The following PCDHA9 variants were observed in gnomAD, a reference collection of about 807,000 sequenced individuals.
PCDHA9 encodes protocadherin alpha-9.
Under a neutral mutation model 62.0 loss-of-function variants are expected in PCDHA9, and 62 were observed. The observed-to-expected ratio is 1.00, with a 90% CI of 0.81 to 1.23. PCDHA9 has a LOEUF of 1.23. Among genes scored for constraint, PCDHA9 ranks in the 50% most tolerant of loss-of-function variants. The probability of loss-of-function intolerance (pLI) is 0.00; values close to 1 mark genes in which losing one functional copy is unlikely to be tolerated. For synonymous variants in PCDHA9, 557 were observed against 567.6 expected (o/e 0.98, Z 0.27); for missense variants, 1,205 against 1,249.8 (o/e 0.96, Z 0.54).
At chr5:140,883,416 G>A (rs782422692) in intron 1 of PCDHA9, 3 of 1,614,158 alleles carry the variant, frequency 1.9e-6, no homozygotes, top group East Asian at 2.2e-5. Context: ...GGCTCAAATG[G>A]ACAGGTCACC....
intron 1 of PCDHA9, among the ~76,000 whole-genome samples, chr5:140,977,965 C>T (rs782117847): frequency 3.3e-5 from 5 of 152,150 alleles, no homozygotes; most frequent in Non-Finnish European, 5.9e-5. Context: ...CCTCAATCTC[C>T]GCCCATGAAA....
chr5:140,849,597 G>T lies in PCDHA9; in HGVS notation c.1102G>T (p.Val368Phe), dbSNP rs2150442042. 77 of 1,598,656 alleles carry T rather than the reference G, an allele frequency of 4.8e-5. 9 individuals carry two copies. Among genetic ancestry groups the T allele is most frequent in the Admixed American group, 4.4e-4 (26 of 59,274 alleles). The change falls in exon 1 of 4, where the codon GTT becomes TTT. Residue 368 changes from valine (V) to phenylalanine (F), a missense_variant. Physicochemically the swap from Val to Phe is conservative, Grantham distance 50 (BLOSUM62 -1). This residue lies in a region of PCDHA9 where 887 missense variants were observed against 809.5 expected (regional missense o/e 1.10). Transcript: ENST00000532602. ...AAAAGAGGACGCACAACTGGGGACA[G>T]TTATTGCCCTGATTAGTGTGATCGA... ...PVKEDAQLGT[V>F]IALISVIDLD...
intron 1 of PCDHA9, among the ~76,000 whole-genome samples, chr5:140,913,117 G>T (rs1055437222): frequency 1.3e-5 from 2 of 152,144 alleles, no homozygotes; most frequent in Non-Finnish European, 2.9e-5. Flanking sequence ...CAGTTTGGAA[G>T]TTAACCCCTC....
intron 1 of PCDHA9, among the ~76,000 whole-genome samples, chr5:140,965,126 A>C (rs540121719): frequency 7.9e-5 from 12 of 152,372 alleles, no homozygotes; most frequent in African/African-American, 2.6e-4. Flanking sequence ...GAAGATCTAC[A>C]GATGACAGAA....
At position 141,010,636 on chromosome 5, in the gene PCDHA9, A is replaced by G; in HGVS notation, c.*699A>G. On this transcript the variant is annotated 3_prime_UTR_variant, in exon 4 of 4. Coordinates refer to ENST00000532602, the MANE Select transcript of PCDHA9 (RefSeq NM_031857.2). ...AAAATCTGCATCATACCTGCAAGCC[A>G]ACAGTTCAGTGTTTTAACAGAGAAC... is the stretch of plus-strand genomic sequence containing the variant. 1 of 183,300 alleles carries G rather than the reference A, an allele frequency of 5.5e-6. No individual in the cohort carries two copies. The highest frequency in any genetic ancestry group is 1.2e-5 in the Non-Finnish European group (1 of 86,478). 11.4% of individuals were successfully genotyped at this position (183,300 alleles called of 1,614,324 possible). A position where few individuals can be genotyped will look rare whatever the true frequency, so the allele number is the denominator to read the frequency against.
rs2096251050 is a variant in PCDHA9, at chr5:140,968,498, C to T, written c.2395-10451C>T. 3 of 1,614,190 alleles carry T rather than the reference C, an allele frequency of 1.9e-6. No individual in the cohort carries two copies. The highest frequency in any genetic ancestry group is 2.5e-6 in the Non-Finnish European group (3 of 1,180,042). The stretch of plus-strand genomic sequence containing the variant: ...GGTGGACATGAATGACCATGCCCCT[C>T]ACATTCTGTACCCTACCTCAACCAA... On this transcript the variant is annotated intron_variant, in intron 1 of 3. Coordinates refer to ENST00000532602, the MANE Select transcript of PCDHA9 (RefSeq NM_031857.2).
chr5:140,982,071 G>A (rs1484711558), intron 2 of PCDHA9, among the ~76,000 whole-genome samples: 12 of 151,172 alleles, frequency 7.9e-5, no homozygotes, highest in Admixed American at 7.9e-4. Flanking sequence ...TTCTTCTTTA[G>A]AGTAGAGAAC....
intron 1 of PCDHA9, among the ~76,000 whole-genome samples, chr5:140,875,118 A>T (rs1381092384): frequency 6.6e-6 from 1 of 152,224 alleles, no homozygotes; most frequent in African/African-American, 2.4e-5. Context: ...TATCATGTAT[A>T]TTAACTAAAC....
intron 1 of PCDHA9, chr5:140,867,238 T>C (rs2049839993): frequency 1.3e-5 from 2 of 152,118 alleles, no homozygotes; most frequent in African/African-American, 4.8e-5. Context: ...AATAAGGTGA[T>C]TGAGGATCTG....
At chr5:140,855,178 G>C (rs1170062889) in intron 1 of PCDHA9, among the ~76,000 whole-genome samples, 2 of 149,594 alleles carry the variant, frequency 1.3e-5, no homozygotes, top group African/African-American at 4.9e-5. Flanking sequence ...AAACAAATGT[G>C]GCCAAATTGA....
chr5:140,874,132 A>T (rs181983769), intron 1 of PCDHA9, among the ~76,000 whole-genome samples: 8 of 152,358 alleles, frequency 5.3e-5, no homozygotes, highest in Non-Finnish European at 1.2e-4. Flanking sequence ...TATTTAAGTT[A>T]TCTTATACTT....
chr5:140,970,400 C>T (rs1586425210), intron 1 of PCDHA9, among the ~76,000 whole-genome samples: 1 of 152,162 alleles, frequency 6.6e-6, no homozygotes, highest in Non-Finnish European at 1.5e-5. Context: ...AAGTGGATGG[C>T]TTACCCTACA....
intron 1 of PCDHA9, among the ~76,000 whole-genome samples, chr5:140,898,172 G>A (rs1262400829): frequency 2.6e-5 from 4 of 152,162 alleles, no homozygotes; most frequent in African/African-American, 9.7e-5. Context: ...TTCTTTTGCT[G>A]TGCAGAAGCT....
chr5:140,857,290 C>A (rs781985413), intron 1 of PCDHA9: 2 of 1,598,706 alleles, frequency 1.3e-6, no homozygotes, highest in South Asian at 1.1e-5. Flanking sequence ...CTCTGGACCG[C>A]GAGAGGGTGT....
At chr5:140,928,718 T>C in intron 1 of PCDHA9, 1 of 1,614,174 alleles carries the variant, frequency 6.2e-7, no homozygotes, top group East Asian at 2.2e-5. Context: ...TCTAGTCTCT[T>C]TAGAATTTCA....
At chr5:140,894,554 G>GA (rs1204407145) in intron 1 of PCDHA9, among the ~76,000 whole-genome samples, 2 of 151,600 alleles carry the variant, frequency 1.3e-5, no homozygotes, top group Non-Finnish European at 2.9e-5. Flanking sequence ...GTTTACTTCT[G>GA]AAAAAATTAT....
At position 140,877,504 on chromosome 5, in the gene PCDHA9, A is replaced by T. The variant is rs532509235; in HGVS notation, c.2394+26615A>T. The T allele has an allele frequency of 1.1e-5, 18 of 1,613,764 alleles. No individual in the cohort carries two copies. The South Asian group carries it at 1.3e-4, about 12-fold the overall frequency. On this transcript the variant is annotated intron_variant, in intron 1 of 3. Coordinates refer to ENST00000532602, the MANE Select transcript of PCDHA9 (RefSeq NM_031857.2). ...GGTGGAGAACGGCCAGGCCCCAAAG[A>T]CGTCGTCGCGGGCCTCAGTGGGCGC...
Position 140,929,475 on chromosome 5 carries a change from G to A in PCDHA9, c.2395-49474G>A, listed in dbSNP as rs1554207114. ...ACTTCCTGTGCCAAGAAATCTGGAA[G>A]TATAGAAGTATTAGAAGATTGCCCT... is the stretch of plus-strand genomic sequence containing the variant. On this transcript the variant is annotated intron_variant, in intron 1 of 3. Transcript: ENST00000532602. The A allele has an allele frequency of 4.0e-6, 5 of 1,251,128 alleles. No individual in the cohort carries two copies. The Middle Eastern group carries it at 8.1e-4, about 202-fold the overall frequency. The allele number at this position is 1,251,128 out of a possible 1,614,324, so 77.5% of individuals were successfully genotyped here. A position where few individuals can be genotyped will look rare whatever the true frequency, so the allele number is the denominator to read the frequency against.
chr5:140,853,569 G>A lies in PCDHA9; in HGVS notation c.2394+2680G>A. On this transcript the variant is annotated intron_variant, in intron 1 of 3. Transcript: ENST00000532602. ...ATTACTATATAGGAAAAACTAAGTT[G>A]TCACCCAATATCTTAGACACTTTGA... 1.3e-5 allele frequency: 13 copies of A among 981,402 alleles called. 1 individual carries two copies. The highest frequency in any genetic ancestry group is 1.6e-5 in the Non-Finnish European group (13 of 813,896). 60.8% of individuals were successfully genotyped at this position (981,402 alleles called of 1,614,324 possible).
Sources: allele counts gnomAD v4.1 joint callset (sites outside exome capture counted in the v4.1 genomes callset), GRCh38; gene constraint gnomAD v4.1.1; regional missense constraint gnomAD v4.1.1; transcripts MANE v1.5; gene names NCBI Gene and HGNC (gene_info 2026-07-23, HGNC 2026-07-21).